Variants in PREX2 observed in about 807,000 individuals in gnomAD.
The protein encoded by PREX2 is phosphatidylinositol 3,4,5-trisphosphate-dependent Rac exchanger 2 protein.
A neutral mutation model predicts 203.2 loss-of-function variants in PREX2; 107 were observed. The ratio of observed to expected loss-of-function variants is 0.53; its 90% CI spans 0.45 to 0.62. The LOEUF (loss-of-function observed/expected upper bound fraction) is 0.62. PREX2 is among the 20% of genes least tolerant of loss of function. The probability of loss-of-function intolerance (pLI) is 0.00; values close to 1 mark genes in which losing one functional copy is unlikely to be tolerated. For missense variants in PREX2, 1,777 were observed against 1,955.9 expected (o/e 0.91, Z 1.72); for synonymous variants, 672 against 663.6 (o/e 1.01, Z -0.19).
intron 15 of PREX2, 103 bp downstream of exon 15, chr8:68,077,572 C>G: frequency 1.2e-6 from 1 of 860,488 alleles, no homozygotes; most frequent in Non-Finnish European, 2.0e-6. Flanking sequence ...AGGGATGAGC[C>G]AGCAAGACTG....
intron 1 of PREX2, among the ~76,000 whole-genome samples, chr8:67,953,173 C>CCCCCCG (rs1460341477): frequency 2.8e-5 from 3 of 108,652 alleles, no homozygotes; most frequent in Non-Finnish European, 5.5e-5. Context: ...ACAATTCCCT[C>CCCCCCG]CCCCCCGCCC....
Position 68,109,639 on chromosome 8 carries a change from T to C in PREX2, c.3146+16T>C. 1 of 1,596,676 alleles carries C rather than the reference T, an allele frequency of 6.3e-7. No homozygotes were observed. The highest frequency in any genetic ancestry group is 1.1e-5 in the South Asian group (1 of 89,862). Reference sequence around the variant, plus strand: ...AAATAGATGAGTAAGTGTTTTGTACTACACTTTTAAGTTTGCCAAATAAAA... The same window carrying C: ...AAATAGATGAGTAAGTGTTTTGTACCACACTTTTAAGTTTGCCAAATAAAA... On this transcript the variant is annotated intron_variant, in intron 25 of 39. Coordinates refer to ENST00000288368, the MANE Select transcript of PREX2 (RefSeq NM_024870.4).
At chr8:68,144,465 T>G (rs1425852573) in intron 33 of PREX2, among the ~76,000 whole-genome samples, 2 of 152,220 alleles carry the variant, frequency 1.3e-5, no homozygotes, top group African/African-American at 4.8e-5. Flanking sequence ...AATGGTATTA[T>G]GTTGTTAATT....
chr8:68,115,101 C>T (rs187931662), intron 25 of PREX2, among the ~76,000 whole-genome samples: 29 of 144,690 alleles, frequency 2.0e-4, no homozygotes, highest in Admixed American at 4.3e-4. Flanking sequence ...GATCTCGGCT[C>T]ACCACAACCT....
chr8:68,049,300 A>C (rs950188923), intron 8 of PREX2, among the ~76,000 whole-genome samples: 8 of 151,928 alleles, frequency 5.3e-5, no homozygotes, highest in Admixed American at 5.3e-4. Context: ...CACAGTGTTG[A>C]TCTCCAGGAC....
At chr8:68,036,391 A>G (rs536091749) in intron 6 of PREX2, among the ~76,000 whole-genome samples, 1 of 152,282 alleles carries the variant, frequency 6.6e-6, no homozygotes, top group Non-Finnish European at 1.5e-5. Context: ...AATTTGAGGT[A>G]CTCGGGTGAT....
At chr8:68,127,290 A>T in intron 30 of PREX2, 88 bp from the exon 31 acceptor site, 1 of 1,034,880 alleles carries the variant, frequency 9.7e-7, no homozygotes, top group Non-Finnish European at 1.5e-6. Context: ...GTCCAATAAG[A>T]TCATACTAAT....
chr8:68,137,585 G>A (rs1417963158), intron 32 of PREX2, among the ~76,000 whole-genome samples: 1 of 151,920 alleles, frequency 6.6e-6, no homozygotes, highest in Non-Finnish European at 1.5e-5. Context: ...ACATTCTTAA[G>A]GAAACAAATA....
At chr8:68,164,878 G>T (rs528319120) in intron 35 of PREX2, among the ~76,000 whole-genome samples, 4 of 132,124 alleles carry the variant, frequency 3.0e-5, no homozygotes, top group Admixed American at 2.5e-4. Flanking sequence ...CACTGAGCCC[G>T]GCCAAACCTT....
At position 68,067,089 on chromosome 8, in the gene PREX2, A is replaced by G. The variant is rs150007936; in HGVS notation, c.1340-1944A>G. Among the ~76,000 whole-genome samples, 625 of 152,130 alleles carry G rather than the reference A, an allele frequency of 4.1e-3. 6 individuals are homozygous for G. Among genetic ancestry groups the G allele is most frequent in the African/African-American group, 0.014 (581 of 41,554 alleles). ...GATCTCTATTCTGTTCCATTGGTCT[A>G]TATGTCCAGTACCATGCTGTTTTTA... On this transcript the variant is annotated intron_variant, in intron 11 of 39. Coordinates refer to ENST00000288368, the MANE Select transcript of PREX2 (RefSeq NM_024870.4).
chr8:68,077,953 T>C (rs1272675988), intron 15 of PREX2, among the ~76,000 whole-genome samples: 2 of 152,174 alleles, frequency 1.3e-5, no homozygotes, highest in East Asian at 1.9e-4. Context: ...TTATTTTTAA[T>C]CATTAAATGT....
At chr8:68,099,132 A>C (rs1563544817) in intron 22 of PREX2, among the ~76,000 whole-genome samples, 1 of 152,012 alleles carries the variant, frequency 6.6e-6, no homozygotes, top group Non-Finnish European at 1.5e-5. Flanking sequence ...TTTTATCAGC[A>C]AGAGCTCAGA....
chr8:67,962,164 C>T (rs1231752722), intron 1 of PREX2, among the ~76,000 whole-genome samples: 2 of 152,028 alleles, frequency 1.3e-5, no homozygotes, highest in Non-Finnish European at 2.9e-5. Flanking sequence ...ATTTAAGTTG[C>T]CTTCTTGCCA....
In PREX2 at chr8:68,146,490, A is replaced by C. The variant is rs1021657776; in HGVS notation, c.4231+138A>C. ...TTTAGCCAATATATTTGCTTCTGGG[A>C]ATGTTTATTAAGGAAATAATGCATG... On this transcript the variant is annotated intron_variant, in intron 34 of 39. Transcript: ENST00000288368. The C allele has an allele frequency of 6.8e-6, 5 of 735,784 alleles. No homozygotes were observed. In the African/African-American group the frequency reaches 7.2e-5, roughly 11 times the overall value. 45.6% of individuals were successfully genotyped at this position (735,784 alleles called of 1,614,324 possible).
intron 35 of PREX2, among the ~76,000 whole-genome samples, chr8:68,184,552 T>A (rs1159336530): frequency 6.6e-6 from 1 of 152,188 alleles, no homozygotes; most frequent in Non-Finnish European, 1.5e-5. Context: ...GAAGTATATA[T>A]CTGTCTGACC....
chr8:67,964,823 G>A (rs1338243305), intron 1 of PREX2, among the ~76,000 whole-genome samples: 2 of 152,098 alleles, frequency 1.3e-5, no homozygotes, highest in Non-Finnish European at 2.9e-5. Context: ...TTCAAGCCTC[G>A]GATCATTGTA....
rs943288053 is a variant in PREX2, at chr8:68,232,898, G to A, written c.*1520G>A. The A allele has an allele frequency of 5.3e-5, 8 of 152,182 alleles. No homozygotes were observed. The highest frequency in any genetic ancestry group is 3.9e-4 in the Admixed American group (6 of 15,278). 9.4% of individuals were successfully genotyped at this position (152,182 alleles called of 1,614,324 possible). A position where few individuals can be genotyped will look rare whatever the true frequency, so the allele number is the denominator to read the frequency against. On this transcript the variant is annotated 3_prime_UTR_variant, in exon 40 of 40. Transcript: ENST00000288368. ...CTCCCAAAGTGCTAGGATTACAGGC[G>A]TGAGCCGCTGCTCCCGGCCCATTAT...
intron 1 of PREX2, among the ~76,000 whole-genome samples, chr8:67,982,475 A>G (rs1806301877): frequency 1.3e-5 from 2 of 152,188 alleles, no homozygotes; most frequent in Non-Finnish European, 1.5e-5. Flanking sequence ...GCTGTTTGCA[A>G]TTGTAATACC....
chr8:67,952,555 G>T lies in PREX2; in HGVS notation c.141+20G>T, dbSNP rs1012815852. ...GTGTCGGTGAGTGTCCCCGGCAGAC[G>T]CAGGGGGACGTCCGGGCGGCGCGGG... On this transcript the variant is annotated intron_variant, in intron 1 of 39. Transcript: ENST00000288368. The T allele has an allele frequency of 6.2e-7, 1 of 1,603,744 alleles. No homozygotes were observed. The highest frequency in any genetic ancestry group is 8.5e-7 in the Non-Finnish European group (1 of 1,175,308).
Sources: gnomAD v4.1 joint callset for allele counts (sites outside exome capture counted in the v4.1 genomes callset) on GRCh38, gnomAD v4.1.1 for gene constraint, MANE v1.5 for transcripts, NCBI Gene and HGNC (gene_info 2026-07-23, HGNC 2026-07-21) for gene names.